Variants in RNF157 observed in about 807,000 individuals in gnomAD.
RNF157 encodes the protein E3 ubiquitin ligase RNF157.
RNF157 carries 55 observed loss-of-function variants against 88.3 expected under a neutral mutation model. That is an observed-to-expected ratio of 0.62 (90% CI 0.50 to 0.78). RNF157 has a LOEUF of 0.78. Among genes scored for constraint, RNF157 ranks in the 30% least tolerant of loss-of-function variants. The pLI, the probability that RNF157 is intolerant of heterozygous loss-of-function variation, is 0.00. For synonymous variants in RNF157, 334 were observed against 341.2 expected (o/e 0.98, Z 0.23); for missense variants, 788 against 860.8 (o/e 0.92, Z 1.06).
chr17:76,183,395 C>G (rs1210366551), intron 2 of RNF157, among the ~76,000 whole-genome samples: 3 of 152,134 alleles, frequency 2.0e-5, no homozygotes, highest in Non-Finnish European at 4.4e-5. Context: ...AGAAAAAATG[C>G]TGGTCTTCTG....
chr17:76,234,054 C>T (rs191619297), intron 1 of RNF157, among the ~76,000 whole-genome samples: 5 of 152,284 alleles, frequency 3.3e-5, no homozygotes, highest in African/African-American at 1.2e-4. Context: ...ACAGCCACTG[C>T]GCCACTGCCA....
At chr17:76,166,423 C>T (rs372077924) in intron 6 of RNF157, 38 bp downstream of exon 6, 16 of 1,545,132 alleles carry the variant, frequency 1.0e-5, no homozygotes, top group Non-Finnish European at 1.3e-5. Context: ...CACAAAAGAG[C>T]AGTGTGCACA....
In RNF157 at chr17:76,144,288, T is replaced by C. The variant is rs1355846727; in HGVS notation, c.*947A>G. On this transcript the variant is annotated 3_prime_UTR_variant, in exon 19 of 19. Transcript: ENST00000269391. ...GAGAAATGCTCCTTAAGGGAAATCA[T>C]CTTAACTGGGGGATTCTCAGATTCA... 6.6e-6 allele frequency: 1 copy of C among 151,786 alleles called. No homozygotes were observed. Among genetic ancestry groups the C allele is most frequent in the Admixed American group, 6.6e-5 (1 of 15,258 alleles). The allele number at this position is 151,786 out of a possible 1,614,324, so 9.4% of individuals were successfully genotyped here.
In RNF157 at chr17:76,152,370, C is replaced by T; in HGVS notation, c.1906G>A (p.Glu636Lys). 1 of 1,608,428 alleles carries T rather than the reference C, an allele frequency of 6.2e-7. No homozygotes were observed. The highest frequency in any genetic ancestry group is 1.3e-5 in the African/African-American group (1 of 74,942). The stretch of plus-strand genomic sequence containing the variant: ...TGACACTCACCAGGTAAGCAGACCT[C>T]AGAGCACAGCTTATTGTCCAGTGCT... ...VKALDNKLCSEVCLPGAWQAD... is the reference protein window; with the variant it reads ...VKALDNKLCSKVCLPGAWQAD... The change falls in exon 18 of 19, where the codon GAG (glutamate) becomes AAG (lysine). Residue 636 changes from glutamate to lysine, a missense_variant. Physicochemically the swap from Glu to Lys is moderately conservative, Grantham distance 56. Coordinates refer to ENST00000269391, the MANE Select transcript of RNF157 (RefSeq NM_052916.3).
At chr17:76,211,178 G>A (rs1401356925) in intron 2 of RNF157, among the ~76,000 whole-genome samples, 1 of 152,206 alleles carries the variant, frequency 6.6e-6, no homozygotes, top group Non-Finnish European at 1.5e-5. Context: ...TTTCAGCTCT[G>A]TATCCACAGC....
intron 2 of RNF157, among the ~76,000 whole-genome samples, chr17:76,198,454 C>A (rs1051442836): frequency 6.6e-6 from 1 of 152,138 alleles, no homozygotes; most frequent in Admixed American, 6.5e-5. Flanking sequence ...GTCTACTCCA[C>A]GAGAATAGGT....
In RNF157 at chr17:76,166,482, C is replaced by A. The variant is rs1331146743; in HGVS notation, c.607G>T (p.Ala203Ser). 6.2e-7 allele frequency: 1 copy of A among 1,613,938 alleles called. No individual in the cohort carries two copies. ...CTACCGTCTCCTTCATCCACCACGG[C>A]ATGTACCACTAGAGGGTAAACTTCT... ...DREVYPLVVH[A>S]VVDEGDEYFG... Residue 203 changes from alanine (A) to serine (S), a missense_variant, in exon 6 of 19, where the codon GCC (alanine) becomes TCC (serine). Physicochemically the swap from Ala to Ser is moderately conservative, Grantham distance 99. Transcript: ENST00000269391.
intron 1 of RNF157, among the ~76,000 whole-genome samples, chr17:76,229,456 A>G (rs1161843376): frequency 6.6e-6 from 1 of 152,248 alleles, no homozygotes; most frequent in Non-Finnish European, 1.5e-5. Flanking sequence ...TCACATGTGT[A>G]TAGAAGCTGG....
chr17:76,223,222 C>CT (rs1291664541), intron 1 of RNF157, among the ~76,000 whole-genome samples: 3 of 140,038 alleles, frequency 2.1e-5, no homozygotes, highest in Non-Finnish European at 4.6e-5. Context: ...TAGTCTCACT[C>CT]TGTCACCCAG....
chr17:76,193,239 T>C (rs1195869187), intron 2 of RNF157, among the ~76,000 whole-genome samples: 1 of 152,218 alleles, frequency 6.6e-6, no homozygotes, highest in African/African-American at 2.4e-5. Flanking sequence ...TAAGATCAAA[T>C]AAAAATGTTT....
At chr17:76,155,357 G>C in intron 15 of RNF157, 40 bp from the exon 16 acceptor site, 1 of 1,600,384 alleles carries the variant, frequency 6.2e-7, no homozygotes, top group Middle Eastern at 1.7e-4. Flanking sequence ...TTCCATAAAG[G>C]TCTCGTGACA....
chr17:76,177,331 G>T (rs1044165790), intron 2 of RNF157, among the ~76,000 whole-genome samples: 2 of 146,448 alleles, frequency 1.4e-5, no homozygotes, highest in African/African-American at 5.0e-5. Context: ...AGCAGGCTCG[G>T]AAGTGCCTGC....
At chr17:76,212,250 T>C in intron 2 of RNF157, 114 bp downstream of exon 2, 1 of 738,466 alleles carries the variant, frequency 1.4e-6, no homozygotes, top group Non-Finnish European at 2.4e-6. Context: ...TGCATCTCTC[T>C]CAACTCAGAC....
intron 9 of RNF157, chr17:76,162,275 C>T (rs936193851): frequency 8.6e-6 from 5 of 579,704 alleles, no homozygotes; most frequent in Non-Finnish European, 1.5e-5. Context: ...GCTGAAGGGA[C>T]TTAGGGGATC....
Position 76,161,427 on chromosome 17 carries a change from G to A in RNF157, c.1065+108C>T. ...GCCGGCTTGCTAAATACTGCAGCAT[G>A]CCCTGGTCTAATTCCTTGCTGCAAT... On this transcript the variant is annotated intron_variant, in intron 11 of 18. Transcript: ENST00000269391. This position sits in a 1 kb window ranked among gnomAD's most constrained non-coding sequence, Gnocchi z 4.6. The A allele has an allele frequency of 1.2e-6, 1 of 850,088 alleles. No individual in the cohort carries two copies. The highest frequency in any genetic ancestry group is 2.0e-6 in the Non-Finnish European group (1 of 503,086). 52.7% of individuals were successfully genotyped at this position (850,088 alleles called of 1,614,324 possible).
intron 2 of RNF157, among the ~76,000 whole-genome samples, chr17:76,194,194 C>T (rs1205301744): frequency 6.6e-6 from 1 of 152,138 alleles, no homozygotes; most frequent in Non-Finnish European, 1.5e-5. Flanking sequence ...ATTTCCATTA[C>T]CCCCACATTC....
intron 17 of RNF157, chr17:76,153,220 T>C (rs1167609469): frequency 6.6e-6 from 1 of 152,188 alleles, no homozygotes; most frequent in East Asian, 1.9e-4. Flanking sequence ...AAATATTCTA[T>C]GGGAGAAACA....
chr17:76,155,304 T>C lies in RNF157; in HGVS notation c.1712A>G (p.Glu571Gly). The C allele has an allele frequency of 1.2e-6, 2 of 1,614,214 alleles. No homozygotes were observed. The highest frequency in any genetic ancestry group is 8.5e-7 in the Non-Finnish European group (1 of 1,180,008). ...GCCAGCAAAGTTGCTGTCTGGAGAC[T>C]CCGCTGGCAGCCCCTGCAGAAGAGC... ...PSEEGEGLPA[E>G]SPDSNFAGLP... The change falls in exon 16 of 19, where the codon GAG (glutamate) becomes GGG (glycine). Residue 571 changes from glutamate to glycine, a missense_variant. Physicochemically the swap from Glu to Gly is moderately conservative, Grantham distance 98. Transcript: ENST00000269391.
chr17:76,154,441 T>G, intron 16 of RNF157, 113 bp from the exon 17 acceptor site: 1 of 761,754 alleles, frequency 1.3e-6, no homozygotes, highest in East Asian at 2.5e-5. Context: ...CCTACGTTAA[T>G]AGCATATATT....
Sources: gnomAD v4.1 joint callset for allele counts (sites outside exome capture counted in the v4.1 genomes callset) on GRCh38, gnomAD v4.1.1 for gene constraint, Gnocchi (gnomAD v3.1) non-coding constraint, MANE v1.5 for transcripts, NCBI Gene and HGNC (gene_info 2026-07-23, HGNC 2026-07-21) for gene names.